Variants in DIS3L2 observed in about 807,000 individuals in gnomAD.
The protein encoded by DIS3L2 is DIS3 like 3'-5' exoribonuclease 2.
Under a neutral mutation model 97.5 loss-of-function variants are expected in DIS3L2, and 34 were observed. The ratio of observed to expected loss-of-function variants is 0.35; its 90% CI spans 0.27 to 0.46. The LOEUF (loss-of-function observed/expected upper bound fraction) is 0.46. DIS3L2 is among the 20% of genes least tolerant of loss of function. The pLI is 1.00. For synonymous variants in DIS3L2, 435 were observed against 445.2 expected, an observed-to-expected ratio of 0.98 and a Z score of 0.29; for missense variants, 1,038 against 1,146.0, an observed-to-expected ratio of 0.91 and a Z score of 1.36.
At chr2:232,209,705 CTG>C (rs1371958906) in intron 9 of DIS3L2, among the ~76,000 whole-genome samples, 1 of 152,168 alleles carries the variant, frequency 6.6e-6, no homozygotes, top group Non-Finnish European at 1.5e-5. Flanking sequence ...ATATGGGAAA[CTG>C]TAAAACAGAA....
chr2:232,195,625 T>C (rs1475007185), intron 9 of DIS3L2, among the ~76,000 whole-genome samples: 2 of 152,036 alleles, frequency 1.3e-5, no homozygotes, highest in African/African-American at 4.8e-5. Context: ...CAGTTCTTTT[T>C]ATTTTAAATA....
intron 5 of DIS3L2, among the ~76,000 whole-genome samples, chr2:232,086,611 G>A (rs372194764): frequency 3.4e-5 from 2 of 58,070 alleles, no homozygotes; most frequent in African/African-American, 1.2e-4. Flanking sequence ...ATGTGTGTGT[G>A]TGTATATATA....
At chr2:232,339,878 C>G (rs1433831260), downstream of DIS3L2, among the ~76,000 whole-genome samples, 1 of 152,116 alleles carries the variant, frequency 6.6e-6, no homozygotes, top group East Asian at 1.9e-4. Context: ...CCGGGAGGAC[C>G]TGGGAGGAAG....
intron 5 of DIS3L2, among the ~76,000 whole-genome samples, chr2:232,030,881 G>C (rs1261426060): frequency 6.6e-6 from 1 of 152,114 alleles, no homozygotes; most frequent in Non-Finnish European, 1.5e-5. Context: ...GTCTGAATTT[G>C]TCTTCATATC....
chr2:232,008,985 A>G (rs940369864), intron 1 of DIS3L2, among the ~76,000 whole-genome samples: 10 of 151,992 alleles, frequency 6.6e-5, no homozygotes, highest in African/African-American at 2.4e-4. Flanking sequence ...TGCCAGCTTA[A>G]TTCTCCTCTT....
intron 6 of DIS3L2, among the ~76,000 whole-genome samples, chr2:232,090,112 T>C (rs898684677): frequency 6.6e-6 from 1 of 152,020 alleles, no homozygotes; most frequent in Non-Finnish European, 1.5e-5. Context: ...TTGTTGTTGT[T>C]GTTGTTTTTT....
intron 6 of DIS3L2, among the ~76,000 whole-genome samples, chr2:232,108,165 C>T (rs1420042234): frequency 2.6e-5 from 4 of 152,068 alleles, no homozygotes; most frequent in South Asian, 4.2e-4. Flanking sequence ...TTCAGCAGCT[C>T]ATCAAAAAGC....
chr2:232,053,381 C>G (rs1695460871), intron 5 of DIS3L2, among the ~76,000 whole-genome samples: 1 of 152,170 alleles, frequency 6.6e-6, no homozygotes, highest in African/African-American at 2.4e-5. Context: ...CTATACTACT[C>G]TCAACACTGC....
chr2:232,017,242 A>G (rs192631516), intron 3 of DIS3L2, among the ~76,000 whole-genome samples: 53 of 152,082 alleles, frequency 3.5e-4, no homozygotes, highest in African/African-American at 1.2e-3. Context: ...GGTAAAAATT[A>G]GTCATGCCAT....
chr2:232,023,998 T>C (rs75464963), intron 3 of DIS3L2, among the ~76,000 whole-genome samples: 462 of 152,248 alleles, frequency 3.0e-3, no homozygotes, highest in African/African-American at 0.01. Flanking sequence ...AAAATCCTAA[T>C]AGTTGCCACT....
At chr2:232,025,635 TG>T (rs1044213908) in intron 4 of DIS3L2, among the ~76,000 whole-genome samples, 2 of 152,150 alleles carry the variant, frequency 1.3e-5, no homozygotes, top group Admixed American at 1.3e-4. Context: ...AGTTTTGAGG[TG>T]GTAACTTGGC....
chr2:232,296,100 G>A (rs567725155), intron 13 of DIS3L2, among the ~76,000 whole-genome samples: 1 of 152,154 alleles, frequency 6.6e-6, no homozygotes, highest in African/African-American at 2.4e-5. Context: ...GTTAGAATCC[G>A]CAATCTCAGA....
rs1214764390 is a variant in DIS3L2 at position 232,254,259 on chromosome 2, A to G, written c.1425+4913A>G. On this transcript the variant is annotated intron_variant, in intron 12 of 20. Transcript: ENST00000325385. ...TCTTAAATATCGGGTTAATAAAAAA[A>G]AAGCACCCTTTTAAAGATTTTTTTA... Among the ~76,000 whole-genome samples the G allele has an allele frequency of 5.3e-5, 8 of 152,200 alleles. No homozygotes were observed. In the East Asian group the frequency reaches 1.5e-3, roughly 29 times the overall value.
Position 232,292,258 on chromosome 2 carries a change from A to G in DIS3L2, c.1660-7782A>G, listed in dbSNP as rs567250937. Among the ~76,000 whole-genome samples, 2 of 152,234 alleles carry G rather than the reference A, an allele frequency of 1.3e-5. No homozygotes were observed. Among genetic ancestry groups the G allele is most frequent in the African/African-American group, 2.4e-5 (1 of 41,536 alleles). On this transcript the variant is annotated intron_variant, in intron 13 of 20. Transcript: ENST00000325385. This position sits in a 1 kb window ranked among gnomAD's most constrained non-coding sequence, Gnocchi z 4.4. The stretch of plus-strand genomic sequence containing the variant: ...ACCCCTCCTTCTGCTTACCTAGGAC[A>G]TTGTTTCTGCCCCTAAGTTCTCCCT...
At chr2:232,205,676 G>A (rs1692010090) in intron 9 of DIS3L2, among the ~76,000 whole-genome samples, 2 of 152,038 alleles carry the variant, frequency 1.3e-5, no homozygotes, top group African/African-American at 2.4e-5. Flanking sequence ...CCAGGATAAG[G>A]GTTAGTTCAC....
At chr2:232,248,214 C>G (rs1287247220) in intron 11 of DIS3L2, among the ~76,000 whole-genome samples, 2 of 142,480 alleles carry the variant, frequency 1.4e-5, no homozygotes, top group African/African-American at 4.9e-5. Flanking sequence ...GCTGAATGTC[C>G]CTCAATTACA....
At chr2:232,088,043 A>T (rs865880637) in intron 6 of DIS3L2, among the ~76,000 whole-genome samples, 1 of 152,256 alleles carries the variant, frequency 6.6e-6, no homozygotes, top group South Asian at 2.1e-4. Context: ...TTAAACTGGT[A>T]TGTAAAATTC....
intron 14 of DIS3L2, among the ~76,000 whole-genome samples, chr2:232,306,167 G>A (rs935363926): frequency 3.7e-4 from 56 of 152,292 alleles, no homozygotes; most frequent in Admixed American, 7.2e-4. Context: ...CCCATGTGCC[G>A]TGTGGGCTTC....
chr2:232,049,480 G>A (rs939899976), intron 5 of DIS3L2, among the ~76,000 whole-genome samples: 29 of 152,112 alleles, frequency 1.9e-4, no homozygotes, highest in Admixed American at 1.7e-3. Flanking sequence ...GGGCTTGCAG[G>A]AGTGGGTTTT....
Sources: allele counts gnomAD v4.1 joint callset (sites outside exome capture counted in the v4.1 genomes callset), GRCh38; gene constraint gnomAD v4.1.1; non-coding constraint Gnocchi (gnomAD v3.1); transcripts MANE v1.5; gene names NCBI Gene and HGNC (gene_info 2026-07-23, HGNC 2026-07-21).